The following RBMS3 variants were observed in gnomAD, a reference collection of about 807,000 sequenced individuals.
RBMS3 encodes the protein RNA binding motif single stranded interacting protein 3, also known as RNA-binding motif, single-stranded-interacting protein 3.
In RBMS3, 27 loss-of-function variants were observed where a neutral mutation model predicts 66.8. The ratio of observed to expected loss-of-function variants is 0.40; its 90% CI spans 0.30 to 0.56. RBMS3 has a LOEUF of 0.56. Ranked by LOEUF, RBMS3 falls within the 20% of genes least tolerant of loss-of-function variation. The pLI is 0.40. For missense variants in RBMS3, 513 were observed against 549.5 expected (o/e 0.93, Z 0.66); for synonymous variants, 188 against 183.0 (o/e 1.03, Z -0.22).
At position 29,395,790 on chromosome 3, in the gene RBMS3, C is replaced by G. The variant is rs1278273797; in HGVS notation, c.76-38953C>G. 2.0e-5 allele frequency among the ~76,000 whole-genome samples: 3 copies of G among 152,214 alleles called. No individual in the cohort carries two copies. In the East Asian group the frequency reaches 5.8e-4, roughly 29 times the overall value. On this transcript the variant is annotated intron_variant, in intron 1 of 14. Coordinates refer to ENST00000383767, the MANE Select transcript of RBMS3 (RefSeq NM_001003793.3). The stretch of plus-strand genomic sequence containing the variant: ...AGAAGGTCAGTGACTTATCTGTGAT[C>G]AAATTGCTACTAAGTAATAAAGGGT...
Position 29,845,985 on chromosome 3 carries a change from T to C in RBMS3, c.638-22873T>C, listed in dbSNP as rs76826685. 4.6e-5 allele frequency among the ~76,000 whole-genome samples: 7 copies of C among 152,186 alleles called. No homozygotes were observed. In the Middle Eastern group the frequency reaches 0.01, roughly 222 times the overall value. ...AACACTGTAACTAGTTCAAATGTAATTAAAGCAAAAGTGAGCAACAGTCAA... is the reference window on the plus strand; with the variant it reads ...AACACTGTAACTAGTTCAAATGTAACTAAAGCAAAAGTGAGCAACAGTCAA... On this transcript the variant is annotated intron_variant, in intron 6 of 14. Coordinates refer to ENST00000383767, the MANE Select transcript of RBMS3 (RefSeq NM_001003793.3).
intron 4 of RBMS3, among the ~76,000 whole-genome samples, chr3:29,667,453 G>A (rs2050815119): frequency 6.6e-6 from 1 of 152,026 alleles, no homozygotes; most frequent in Admixed American, 6.6e-5. Flanking sequence ...CTGAGAGTGG[G>A]GCCCAGTGAT....
intron 4 of RBMS3, among the ~76,000 whole-genome samples, chr3:29,669,546 A>G (rs2050906946): frequency 6.6e-6 from 1 of 152,170 alleles, no homozygotes; most frequent in Non-Finnish European, 1.5e-5. Flanking sequence ...TATTTTTGTA[A>G]TTTCCCTTAA....
intron 2 of RBMS3, among the ~76,000 whole-genome samples, chr3:29,443,541 G>T (rs541632847): frequency 6.6e-6 from 1 of 152,272 alleles, no homozygotes; most frequent in South Asian, 2.1e-4. Context: ...AAGGAGTCAG[G>T]CAGATAATAT....
At chr3:29,982,087 G>A (rs1418919757) in intron 12 of RBMS3, among the ~76,000 whole-genome samples, 1 of 152,102 alleles carries the variant, frequency 6.6e-6, no homozygotes, top group Non-Finnish European at 1.5e-5. Flanking sequence ...ATCAATTACT[G>A]CCTCAGTTTC....
At chr3:29,794,528 G>A (rs138276175) in intron 6 of RBMS3, among the ~76,000 whole-genome samples, 5,554 of 152,320 alleles carry the variant, frequency 0.036, 151 homozygotes, top group Admixed American at 0.058. Flanking sequence ...TGAGCTTACA[G>A]TGAGCTGAGA....
At chr3:29,301,139 A>G (rs115514561) in intron 1 of RBMS3, among the ~76,000 whole-genome samples, 7,358 of 152,094 alleles carry the variant, frequency 0.048, 236 homozygotes, top group South Asian at 0.076. Context: ...AAACTGAAGC[A>G]TGATCTAAAT....
In RBMS3 at chr3:29,982,516, G is replaced by A. The variant is rs554116187; in HGVS notation, c.1099-5627G>A. 2.4e-4 allele frequency among the ~76,000 whole-genome samples: 36 copies of A among 152,044 alleles called. No homozygotes were observed. The East Asian group carries it at 5.2e-3, about 22-fold the overall frequency. ...CTTTCAATTGTGACGTTAGGGTGTC[G>A]ATTTTAGATCTTTCCTGCTTTCTCC... On this transcript the variant is annotated intron_variant, in intron 12 of 14. Transcript: ENST00000383767.
intron 4 of RBMS3, among the ~76,000 whole-genome samples, chr3:29,722,258 A>G (rs1161030550): frequency 6.6e-6 from 1 of 152,074 alleles, no homozygotes; most frequent in African/African-American, 2.4e-5. Flanking sequence ...ATACCATAAT[A>G]CTTTTCACCC....
intron 3 of RBMS3, among the ~76,000 whole-genome samples, chr3:29,541,436 T>TG (rs1418541231): frequency 6.6e-6 from 1 of 151,862 alleles, no homozygotes; most frequent in African/African-American, 2.4e-5. Flanking sequence ...TTTCATTCTT[T>TG]TTTTCATTGA....
chr3:29,454,556 C>A (rs1325301721), intron 2 of RBMS3, among the ~76,000 whole-genome samples: 1 of 152,182 alleles, frequency 6.6e-6, no homozygotes, highest in Non-Finnish European at 1.5e-5. Flanking sequence ...AGGACAAGCA[C>A]CAACAGGACG....
At position 29,501,540 on chromosome 3, in the gene RBMS3, G is replaced by C. The variant is rs915505317; in HGVS notation, c.307+13041G>C. Among the ~76,000 whole-genome samples the C allele has an allele frequency of 2.0e-5, 3 of 152,174 alleles. No homozygotes were observed. The East Asian group carries it at 5.8e-4, about 29-fold the overall frequency. ...GCCCGAGGTTAATTTATCCGTTTTA[G>C]GAGGAAGACTTACGGTGCTTCTGTT... On this transcript the variant is annotated intron_variant, in intron 3 of 14. Coordinates refer to ENST00000383767, the MANE Select transcript of RBMS3 (RefSeq NM_001003793.3).
At chr3:29,891,486 T>A (rs1442224869) in intron 8 of RBMS3, among the ~76,000 whole-genome samples, 1 of 151,650 alleles carries the variant, frequency 6.6e-6, no homozygotes, top group East Asian at 1.9e-4. Flanking sequence ...TAGAGCTATG[T>A]GGTAAAACTC....
chr3:29,591,254 C>A (rs1277046514), intron 4 of RBMS3, among the ~76,000 whole-genome samples: 1 of 152,174 alleles, frequency 6.6e-6, no homozygotes, highest in Non-Finnish European at 1.5e-5. Context: ...CACCTCAAAG[C>A]TGTGATTGCA....
chr3:29,939,355 A>G (rs2061338728), intron 11 of RBMS3, among the ~76,000 whole-genome samples: 1 of 151,978 alleles, frequency 6.6e-6, no homozygotes, highest in East Asian at 1.9e-4. Flanking sequence ...CCATGCAATA[A>G]TAATACTATC....
At chr3:29,433,301 C>T (rs2041277283) in intron 1 of RBMS3, among the ~76,000 whole-genome samples, 1 of 152,076 alleles carries the variant, frequency 6.6e-6, no homozygotes, top group East Asian at 1.9e-4. Flanking sequence ...GATAAAATAG[C>T]TAAAGACTCT....
intron 4 of RBMS3, among the ~76,000 whole-genome samples, chr3:29,705,706 G>A (rs6782005): frequency 0.14 from 21,495 of 152,016 alleles, 3,426 homozygotes; most frequent in African/African-American, 0.39. Context: ...CTCAATTCAC[G>A]GAGAAGCATT....
chr3:29,859,615 T>A (rs549211188), intron 6 of RBMS3, among the ~76,000 whole-genome samples: 51 of 152,346 alleles, frequency 3.3e-4, no homozygotes, highest in African/African-American at 1.2e-3. Flanking sequence ...AGCATGGGAT[T>A]TTATTACAAC....
intron 1 of RBMS3, among the ~76,000 whole-genome samples, chr3:29,393,016 G>A (rs982168091): frequency 1.3e-5 from 2 of 152,200 alleles, no homozygotes; most frequent in African/African-American, 4.8e-5. Flanking sequence ...TTCTGTGAAA[G>A]AGCCACTATT....
Sources: gnomAD v4.1 joint callset for allele counts (sites outside exome capture counted in the v4.1 genomes callset) on GRCh38, gnomAD v4.1.1 for gene constraint, MANE v1.5 for transcripts, NCBI Gene and HGNC (gene_info 2026-07-23, HGNC 2026-07-21) for gene names.